The following CMA1 variants were observed in gnomAD, a reference collection of about 807,000 sequenced individuals.
The protein encoded by CMA1 is chymase.
Under a neutral mutation model 18.8 loss-of-function variants are expected in CMA1, and 24 were observed. The observed-to-expected ratio is 1.28, with a 90% CI of 0.92 to 1.80. The LOEUF (loss-of-function observed/expected upper bound fraction) is 1.80, where lower values mean the gene tolerates loss of function less well. Among genes scored for constraint, CMA1 ranks in the 40% most tolerant of loss-of-function variants. The pLI is 0.00. For missense variants in CMA1, 421 were observed against 302.8 expected (o/e 1.39, Z -2.90); for synonymous variants, 152 against 117.0 (o/e 1.30, Z -1.93).
intron 2 of CMA1, 99 bp from the exon 3 acceptor site, chr14:24,506,703 C>T (rs2043860524): frequency 6.9e-7 from 1 of 1,459,372 alleles, no homozygotes; most frequent in East Asian, 2.3e-5. Flanking sequence ...AACTCTGTCA[C>T]TGGGTCGCCG....
Position 24,505,656 on chromosome 14 carries a change from C to A in CMA1, c.604G>T (p.Asp202Tyr). 1 of 1,608,536 alleles carries A rather than the reference C, an allele frequency of 6.2e-7. No homozygotes were observed. The highest frequency in any genetic ancestry group is 1.1e-5 in the South Asian group (1 of 90,402). ...PRKTKSAFKGDSGGPLLCAGV... is the reference protein window; with the variant it reads ...PRKTKSAFKGYSGGPLLCAGV... ...GCACACAGAAGAGGGCCCCCAGAGTCTCCCTGTAGGGGGAGGAGAGAGAGA... is the reference window on the plus strand; with the variant it reads ...GCACACAGAAGAGGGCCCCCAGAGTATCCCTGTAGGGGGAGGAGAGAGAGA... The change falls in exon 5 of 5, where the codon GAC becomes TAC. Residue 202 changes from aspartate (D) to tyrosine (Y), a missense_variant. Coordinates refer to ENST00000250378, the MANE Select transcript of CMA1 (RefSeq NM_001836.5).
intron 2 of CMA1, among the ~76,000 whole-genome samples, chr14:24,507,106 G>A (rs944432658): frequency 1.3e-5 from 2 of 152,154 alleles, no homozygotes; most frequent in African/African-American, 4.8e-5. Context: ...GTAGGGGTGA[G>A]GGGTGCTACT....
Position 24,506,192 on chromosome 14 carries a change from C to T in CMA1, c.436G>A (p.Val146Met). ...ACACCTGTTCTTCCCCAGCCAGCCA[C>T]CCGGCACATTCTCCCAGGTGGGACA... Reference protein sequence around the residue: ...NFVPPGRMCRVAGWGRTGVLK... With the variant: ...NFVPPGRMCRMAGWGRTGVLK... The change falls in exon 4 of 5, where the codon GTG becomes ATG. Residue 146 changes from valine (V) to methionine (M), a missense_variant. Val to Met is a conservative substitution (Grantham distance 21). Transcript: ENST00000250378. The T allele has an allele frequency of 6.2e-7, 1 of 1,614,190 alleles. No individual in the cohort carries two copies. The highest frequency in any genetic ancestry group is 8.5e-7 in the Non-Finnish European group (1 of 1,180,042).
chr14:24,508,121 A>C, intron 1 of CMA1, 57 bp downstream of exon 1: 1 of 1,511,370 alleles, frequency 6.6e-7, no homozygotes, highest in Non-Finnish European at 9.2e-7. Context: ...CAGACTAAAC[A>C]TCTTTGTTTC....
rs968910061 is a variant in CMA1, at chr14:24,505,460, C to A, written c.*56G>T. ...GGTAGACCAGAATGAGTGGCACACA[C>A]TTTGCTGCTCAGGTCCAGTTCCAGC... On this transcript the variant is annotated 3_prime_UTR_variant, in exon 5 of 5. Transcript: ENST00000250378. 2 of 1,611,578 alleles carry A rather than the reference C, an allele frequency of 1.2e-6. No homozygotes were observed. The highest frequency in any genetic ancestry group is 1.7e-6 in the Non-Finnish European group (2 of 1,178,380).
Position 24,506,713 on chromosome 14 carries a change from G to A in CMA1, c.210-109C>T, listed in dbSNP as rs1594786973. 19 of 1,352,066 alleles carry A rather than the reference G, an allele frequency of 1.4e-5. No homozygotes were observed. In the East Asian group the frequency reaches 2.8e-4, roughly 20 times the overall value. The allele number at this position is 1,352,066 out of a possible 1,614,324, so 83.8% of individuals were successfully genotyped here. A position where few individuals can be genotyped will look rare whatever the true frequency, so the allele number is the denominator to read the frequency against. Reference sequence around the variant, plus strand: ...GACTAAACTCTGTCACTGGGTCGCCGGACTCTACCCATCTCCCTTTTCATG... The same window carrying A: ...GACTAAACTCTGTCACTGGGTCGCCAGACTCTACCCATCTCCCTTTTCATG... On this transcript the variant is annotated intron_variant, in intron 2 of 4. Coordinates refer to ENST00000250378, the MANE Select transcript of CMA1 (RefSeq NM_001836.5).
In CMA1 at chr14:24,505,933, T is replaced by A. The variant is rs373415040; in HGVS notation, c.600+95A>T. 30 of 1,500,522 alleles carry A rather than the reference T, an allele frequency of 2.0e-5. 1 individual carries two copies. In the East Asian group the frequency reaches 2.7e-4, roughly 14 times the overall value. The allele number at this position is 1,500,522 out of a possible 1,614,324, so 93.0% of individuals were successfully genotyped here. ...AGCAATTCCTGTGATGCTCACCCTG[T>A]CACTGACTGACAACCTTCTGACCCC... On this transcript the variant is annotated intron_variant, in intron 4 of 4. Transcript: ENST00000250378.
chr14:24,508,211 G>T lies in CMA1; in HGVS notation c.25C>A (p.Leu9Met). MLLLPLPLLLFLLCSRAEA... is the reference protein window; with the variant it reads MLLLPLPLMLFLLCSRAEA... ...GCTCTGGAGCACAAGAGAAAGAGCA[G>T]CAGGGGGAGAGGAAGAAGCAGCATC... The change falls in exon 1 of 5, where the codon CTG becomes ATG. Residue 9 changes from leucine to methionine, a missense_variant. Physicochemically the swap from Leu to Met is conservative, Grantham distance 15. Transcript: ENST00000250378. The T allele has an allele frequency of 6.2e-7, 1 of 1,613,886 alleles. No homozygotes were observed. Among genetic ancestry groups the T allele is most frequent in the Non-Finnish European group, 8.5e-7 (1 of 1,179,902 alleles).
chr14:24,507,590 G>T (rs1305001329), intron 1 of CMA1, 84 bp from the exon 2 acceptor site: 3 of 1,482,046 alleles, frequency 2.0e-6, no homozygotes, highest in Non-Finnish European at 2.8e-6. Context: ...GCTGAGCTAG[G>T]CTTCCCTGGA....
intron 1 of CMA1, 40 bp from the exon 2 acceptor site, chr14:24,507,546 T>C: frequency 1.9e-6 from 3 of 1,586,620 alleles, no homozygotes; most frequent in South Asian, 1.2e-5. Context: ...CGGCCATAGA[T>C]ACTCTCTCCA....
intron 1 of CMA1, 191 bp downstream of exon 1, chr14:24,507,987 C>T: frequency 1.7e-6 from 1 of 598,520 alleles, no homozygotes; most frequent in Non-Finnish European, 2.9e-6. Flanking sequence ...TGGGGGCTGT[C>T]CTAGGCTGTA....
rs757481917 is a variant in CMA1, at chr14:24,505,530, G to A, written c.730C>T (p.Leu244=). 1.2e-6 allele frequency: 2 copies of A among 1,614,074 alleles called. No individual in the cohort carries two copies. The highest frequency in any genetic ancestry group is 1.1e-5 in the South Asian group (1 of 91,076). ...AGGATCCAGGATTAATTTGCCTGCA[G>A]GATCTGGTTGATCCAGGGCCGGTAA... ...SHYRPWINQI[L]QAN is the part of the protein sequence containing the mutation. Residue 244 remains leucine, a synonymous_variant, in exon 5 of 5, where the codon CTG becomes TTG. Coordinates refer to ENST00000250378, the MANE Select transcript of CMA1 (RefSeq NM_001836.5).
At position 24,505,601 on chromosome 14, in the gene CMA1, C is replaced by T. The variant is rs1266891724; in HGVS notation, c.659G>A (p.Gly220Glu). ...AGVAQGIVSY[G>E]RSDAKPPAVF... The stretch of plus-strand genomic sequence containing the variant: ...AGCAGGGGGCTTTGCATCCGACCGT[C>T]CATAGGATACGATGCCCTGGGCCAC... Residue 220 changes from glycine to glutamate, a missense_variant, in exon 5 of 5, where the codon GGA (glycine) becomes GAA (glutamate). Physicochemically the swap from Gly to Glu is moderately conservative, Grantham distance 98 (BLOSUM62 -2). Transcript: ENST00000250378. 2.5e-6 allele frequency: 4 copies of T among 1,613,852 alleles called. No homozygotes were observed.
chr14:24,506,873 C>G (rs2043862124), intron 2 of CMA1, among the ~76,000 whole-genome samples: 1 of 152,202 alleles, frequency 6.6e-6, no homozygotes, highest in South Asian at 2.1e-4. Flanking sequence ...AGGGTTCACA[C>G]TTCCTAATTC....
chr14:24,506,622 G>A lies in CMA1; in HGVS notation c.210-18C>T. 6.2e-7 allele frequency: 1 copy of A among 1,612,368 alleles called. No homozygotes were observed. Among genetic ancestry groups the A allele is most frequent in the East Asian group, 2.2e-5 (1 of 44,862 alleles). ...TTATAGACCTGTTGTGAGGAAGAAG[G>A]AAGGAAAAGGAGCGACAGTGATGGC... On this transcript the variant is annotated intron_variant, in intron 2 of 4. Transcript: ENST00000250378.
chr14:24,507,610 T>C, intron 1 of CMA1, 104 bp from the exon 2 acceptor site: 1 of 1,347,778 alleles, frequency 7.4e-7, no homozygotes, highest in Middle Eastern at 2.7e-4. Flanking sequence ...AATCTCATTC[T>C]CACCCTGTGT....
In CMA1 at chr14:24,508,068, T is replaced by C. The variant is rs540090789; in HGVS notation, c.58+110A>G. ...AAGTGGAAATTTCCCTCTGGGACTC[T>C]TGAAGAGAGATCTTGGAACCCTGTT... is the stretch of plus-strand genomic sequence containing the variant. On this transcript the variant is annotated intron_variant, in intron 1 of 4. Transcript: ENST00000250378. 9.5e-5 allele frequency: 103 copies of C among 1,078,828 alleles called. No homozygotes were observed. The African/African-American group carries it at 1.5e-3, about 15-fold the overall frequency. 66.8% of individuals were successfully genotyped at this position (1,078,828 alleles called of 1,614,324 possible). A position where few individuals can be genotyped will look rare whatever the true frequency, so the allele number is the denominator to read the frequency against.
At position 24,508,216 on chromosome 14, in the gene CMA1, G is replaced by A; in HGVS notation, c.20C>T (p.Pro7Leu). 1.9e-6 allele frequency: 3 copies of A among 1,613,786 alleles called. No individual in the cohort carries two copies. Among genetic ancestry groups the A allele is most frequent in the South Asian group, 1.1e-5 (1 of 90,968 alleles). ...GGAGCACAAGAGAAAGAGCAGCAGG[G>A]GGAGAGGAAGAAGCAGCATCTTCCC... Reference protein sequence around the residue: MLLLPLPLLLFLLCSRA... With the variant: MLLLPLLLLLFLLCSRA... Residue 7 changes from proline to leucine, a missense_variant, in exon 1 of 5, where the codon CCC becomes CTC. Pro to Leu is a moderately conservative substitution (Grantham distance 98). Coordinates refer to ENST00000250378, the MANE Select transcript of CMA1 (RefSeq NM_001836.5).
At chr14:24,508,038 A>C (rs2043873905) in intron 1 of CMA1, 140 bp downstream of exon 1, 1 of 773,124 alleles carries the variant, frequency 1.3e-6, no homozygotes, top group African/African-American at 1.7e-5. Context: ...GGTGGCACAC[A>C]TCCCAAGTGG....
Sources: allele counts gnomAD v4.1 joint callset (sites outside exome capture counted in the v4.1 genomes callset), GRCh38; gene constraint gnomAD v4.1.1; transcripts MANE v1.5; gene names NCBI Gene and HGNC (gene_info 2026-07-23, HGNC 2026-07-21).